SAMMSON: variants seen among roughly 807,000 people sequenced by gnomAD.
The protein encoded by SAMMSON is long intergenic non-protein coding RNA 1212.
intron 4 of SAMMSON, among the ~76,000 whole-genome samples, chr3:70,105,304 G>A (rs894740902): frequency 6.6e-6 from 1 of 152,182 alleles, no homozygotes; most frequent in African/African-American, 2.4e-5. Context: ...GCCTTTCTTT[G>A]TGTTGGGGGC....
In SAMMSON at chr3:70,285,377, G is replaced by A. The variant is rs576154085; in HGVS notation, n.675-5802G>A. ...CCAATTTCATCCATGTCCCTACAAA[G>A]GACATGAACTCATCAGTTTTTATGG... is the stretch of plus-strand genomic sequence containing the variant. On this transcript the variant is annotated intron_variant and non_coding_transcript_variant, in intron 6 of 9. Coordinates refer to ENST00000642114, the Ensembl canonical transcript of SAMMSON. Among the ~76,000 whole-genome samples, 3 of 152,086 alleles carry A rather than the reference G, an allele frequency of 2.0e-5. No individual in the cohort carries two copies. In the East Asian group the frequency reaches 5.8e-4, roughly 29 times the overall value.
chr3:70,002,062 A>G (rs1375952563), intron 1 of SAMMSON, among the ~76,000 whole-genome samples: 4 of 152,210 alleles, frequency 2.6e-5, no homozygotes, highest in African/African-American at 7.2e-5. Context: ...CATTGCCTGC[A>G]TGAGTCTTCT....
intron 9 of SAMMSON, among the ~76,000 whole-genome samples, chr3:70,376,240 G>A (rs748226531): frequency 1.3e-5 from 2 of 152,094 alleles, no homozygotes; most frequent in African/African-American, 2.4e-5. Flanking sequence ...GAGAATTCAC[G>A]GAAAATTTCC....
intron 4 of SAMMSON, among the ~76,000 whole-genome samples, chr3:70,139,732 G>C (rs953295085): frequency 6.6e-6 from 1 of 152,082 alleles, no homozygotes; most frequent in African/African-American, 2.4e-5. Context: ...TGAATTCTTG[G>C]CCTGTGATTT....
chr3:70,317,069 G>C (rs941567396), intron 7 of SAMMSON, among the ~76,000 whole-genome samples: 2 of 151,876 alleles, frequency 1.3e-5, no homozygotes, highest in Non-Finnish European at 2.9e-5. Flanking sequence ...CAAAAATGTT[G>C]CTCCACTTCA....
intron 3 of SAMMSON, among the ~76,000 whole-genome samples, chr3:70,023,067 A>G (rs1035574140): frequency 6.6e-6 from 1 of 152,150 alleles, no homozygotes; most frequent in Non-Finnish European, 1.5e-5. Flanking sequence ...GCAAAATCTC[A>G]CCTCATCTCA....
chr3:70,246,110 C>G (rs1023579583), intron 4 of SAMMSON, among the ~76,000 whole-genome samples: 8 of 151,782 alleles, frequency 5.3e-5, no homozygotes, highest in Non-Finnish European at 1.2e-4. Context: ...AAAAAAAACC[C>G]CACAGATATA....
intron 9 of SAMMSON, among the ~76,000 whole-genome samples, chr3:70,385,128 T>A (rs1703109470): frequency 6.6e-6 from 1 of 152,110 alleles, no homozygotes; most frequent in Non-Finnish European, 1.5e-5. Context: ...GACAAGGTGG[T>A]GTAGAAGAAA....
At chr3:70,424,169 T>C (rs1161924958) in intron 2 of SAMMSON, among the ~76,000 whole-genome samples, 2 of 152,260 alleles carry the variant, frequency 1.3e-5, no homozygotes, top group African/African-American at 4.8e-5. Flanking sequence ...GAAAATCTCC[T>C]TTGAATAAGT....
At chr3:70,022,662 A>T (rs1275106190) in intron 3 of SAMMSON, among the ~76,000 whole-genome samples, 1 of 152,216 alleles carries the variant, frequency 6.6e-6, no homozygotes, top group Non-Finnish European at 1.5e-5. Context: ...CTTTGGACTT[A>T]GCATCTTACC....
In SAMMSON at chr3:70,219,507, T is replaced by A. The variant is rs749240966; in HGVS notation, n.508-29600T>A. ...TAAACAGAAGAAATTTTTCAAAAAT[T>A]GTGCAAGGTTTTCATTAGATTGCAA... On this transcript the variant is annotated intron_variant and non_coding_transcript_variant, in intron 4 of 9. Transcript: ENST00000642114. Among the ~76,000 whole-genome samples the A allele has an allele frequency of 1.4e-4, 22 of 152,258 alleles. 1 individual carries two copies. The highest frequency in any genetic ancestry group is 7.7e-4 in the East Asian group (4 of 5,174).
chr3:70,421,936 G>C (rs182760796), intron 2 of SAMMSON, among the ~76,000 whole-genome samples: 2 of 152,132 alleles, frequency 1.3e-5, no homozygotes, highest in East Asian at 3.9e-4. Context: ...TTTTATACCA[G>C]TGAAAATGTA....
At chr3:70,246,196 A>G (rs913332968) in intron 4 of SAMMSON, among the ~76,000 whole-genome samples, 2 of 152,072 alleles carry the variant, frequency 1.3e-5, no homozygotes, top group African/African-American at 4.8e-5. Flanking sequence ...TTCTTGGAAT[A>G]GTACATCACC....
chr3:70,199,250 G>A (rs1210280613), intron 4 of SAMMSON, among the ~76,000 whole-genome samples: 10 of 152,118 alleles, frequency 6.6e-5, no homozygotes, highest in African/African-American at 2.2e-4. Flanking sequence ...GGACCTGTTC[G>A]TAAAGTGGTC....
intron 9 of SAMMSON, among the ~76,000 whole-genome samples, chr3:70,368,129 T>A (rs6549337): frequency 0.51 from 77,300 of 150,830 alleles, 20,362 homozygotes; most frequent in Admixed American, 0.58. Context: ...GTAAGTTCTA[T>A]TTTAAAAATG....
chr3:70,186,337 C>T (rs142016106), intron 4 of SAMMSON, among the ~76,000 whole-genome samples: 448 of 151,906 alleles, frequency 2.9e-3, no homozygotes, highest in Middle Eastern at 0.01. Context: ...TGGCTCACTG[C>T]AGCCTTGATG....
At chr3:70,304,358 A>G (rs1702379859) in intron 7 of SAMMSON, among the ~76,000 whole-genome samples, 1 of 152,178 alleles carries the variant, frequency 6.6e-6, no homozygotes, top group Admixed American at 6.5e-5. Flanking sequence ...TCTCTTGTCC[A>G]CATTTCTCAA....
intron 4 of SAMMSON, among the ~76,000 whole-genome samples, chr3:70,098,828 C>A (rs1371844214): frequency 6.6e-6 from 1 of 152,102 alleles, no homozygotes; most frequent in Non-Finnish European, 1.5e-5. Flanking sequence ...GTAAAAAACC[C>A]TTCTCTTAAA....
chr3:70,124,814 C>CA (rs1208323683), intron 4 of SAMMSON, among the ~76,000 whole-genome samples: 4,316 of 53,708 alleles, frequency 0.08, 402 homozygotes, highest in South Asian at 0.097. Context: ...GACTCCATCT[C>CA]AAAAAAAAAA....
Sources: gnomAD v4.1 joint callset for allele counts (sites outside exome capture counted in the v4.1 genomes callset) on GRCh38, gnomAD v4.1.1 for gene constraint, MANE v1.5 for transcripts, NCBI Gene and HGNC (gene_info 2026-07-23, HGNC 2026-07-21) for gene names.